The following AGBL2 variants were observed in gnomAD, a reference collection of about 807,000 sequenced individuals.
AGBL2 encodes the protein cytosolic carboxypeptidase 2.
Under a neutral mutation model 103.0 loss-of-function variants are expected in AGBL2, and 87 were observed. That is an observed-to-expected ratio of 0.84 (90% CI 0.71 to 1.01). The LOEUF is 1.01. Among genes scored for constraint, AGBL2 ranks in the 50% least tolerant of loss-of-function variants. The pLI is 0.00. For missense variants in AGBL2, 904 were observed against 1,023.5 expected, an observed-to-expected ratio of 0.88 and a Z score of 1.59; for synonymous variants, 335 against 356.7, an observed-to-expected ratio of 0.94 and a Z score of 0.69.
At chr11:47,662,306 TG>T (rs928047972) in intron 18 of AGBL2, among the ~76,000 whole-genome samples, 10 of 151,608 alleles carry the variant, frequency 6.6e-5, no homozygotes, top group African/African-American at 2.4e-4. Context: ...CCCGAGTAGC[TG>T]GGGTTATAAG....
At chr11:47,712,894 C>G (rs1454778105) in intron 3 of AGBL2, among the ~76,000 whole-genome samples, 1 of 151,090 alleles carries the variant, frequency 6.6e-6, no homozygotes, top group Non-Finnish European at 1.5e-5. Context: ...ATTAGCCAGG[C>G]ATGGTGGTAC....
chr11:47,667,355 C>T lies in AGBL2; in HGVS notation c.2340+216G>A, dbSNP rs187776705. On this transcript the variant is annotated intron_variant, in intron 16 of 18. Transcript: ENST00000525123. The stretch of plus-strand genomic sequence containing the variant: ...TTGGCTAAAACCCAGATTTCTTATG[C>T]CAGAGTGTAGGAGAGGTTCAGTGGG... Among the ~76,000 whole-genome samples, 24 of 152,290 alleles carry T rather than the reference C, an allele frequency of 1.6e-4. No homozygotes were observed. The East Asian group carries it at 4.4e-3, about 28-fold the overall frequency.
At chr11:47,674,798 C>T (rs540025463) in intron 14 of AGBL2, among the ~76,000 whole-genome samples, 4 of 151,840 alleles carry the variant, frequency 2.6e-5, no homozygotes, top group African/African-American at 9.7e-5. Flanking sequence ...TGCAATGGTG[C>T]GATCTCGGCT....
In AGBL2 at chr11:47,680,087, A is replaced by C; in HGVS notation, c.1916-14T>G. 1 of 1,434,192 alleles carries C rather than the reference A, an allele frequency of 7.0e-7. No individual in the cohort carries two copies. Among genetic ancestry groups the C allele is most frequent in the Non-Finnish European group, 9.7e-7 (1 of 1,034,028 alleles). The allele number at this position is 1,434,192 out of a possible 1,614,324, so 88.8% of individuals were successfully genotyped here. ...CTCTTTTATTACCTGGAAAAAAAAA[A>C]AACCCCGCAAACATTTCCAATTAAA... is the stretch of plus-strand genomic sequence containing the variant. On this transcript the variant is annotated splice_polypyrimidine_tract_variant and intron_variant, in intron 12 of 18. Transcript: ENST00000525123.
intron 8 of AGBL2, among the ~76,000 whole-genome samples, chr11:47,698,423 C>T (rs538221954): frequency 1.2e-4 from 18 of 150,646 alleles, no homozygotes; most frequent in Admixed American, 3.3e-4. Flanking sequence ...CTGCCTGCCT[C>T]GGCCTCCCAA....
intron 4 of AGBL2, 110 bp downstream of exon 4, chr11:47,710,267 G>T: frequency 7.4e-7 from 1 of 1,344,960 alleles, no homozygotes; most frequent in Non-Finnish European, 1.0e-6. Flanking sequence ...AGAAACAGAG[G>T]CCAAGGCTGC....
At chr11:47,689,408 G>T (rs1599000622) in intron 10 of AGBL2, among the ~76,000 whole-genome samples, 1 of 150,416 alleles carries the variant, frequency 6.6e-6, no homozygotes, top group African/African-American at 2.4e-5. Context: ...TGGTTCAAGC[G>T]ATTCTCCTGC....
At chr11:47,660,835 C>T (rs1039250224) in intron 18 of AGBL2, among the ~76,000 whole-genome samples, 15 of 152,242 alleles carry the variant, frequency 9.9e-5, no homozygotes, top group Admixed American at 2.6e-4. Flanking sequence ...GGATTACAGG[C>T]GTGAGCCACC....
At chr11:47,661,173 AT>A (rs981284105) in intron 18 of AGBL2, among the ~76,000 whole-genome samples, 6 of 151,468 alleles carry the variant, frequency 4.0e-5, no homozygotes, top group Non-Finnish European at 7.4e-5. Context: ...AAAAAAAAAA[AT>A]TTTTTTTTAA....
chr11:47,709,649 G>C (rs1044388401), intron 4 of AGBL2, among the ~76,000 whole-genome samples: 2 of 149,722 alleles, frequency 1.3e-5, no homozygotes, highest in African/African-American at 4.9e-5. Context: ...ATGCAGTGGC[G>C]CAATCTCAGC....
At chr11:47,667,845 G>T in intron 15 of AGBL2, 149 bp from the exon 16 acceptor site, 1 of 865,470 alleles carries the variant, frequency 1.2e-6, no homozygotes, top group South Asian at 1.7e-5. Context: ...AAACAGTTCA[G>T]TTCCCTCCTT....
chr11:47,659,848 A>C lies in AGBL2; in HGVS notation c.*325T>G, dbSNP rs1003545081. 9 of 201,280 alleles carry C rather than the reference A, an allele frequency of 4.5e-5. No homozygotes were observed. The highest frequency in any genetic ancestry group is 8.9e-5 in the Non-Finnish European group (9 of 101,332). The allele number at this position is 201,280 out of a possible 1,614,324, so 12.5% of individuals were successfully genotyped here. On this transcript the variant is annotated 3_prime_UTR_variant, in exon 19 of 19. Transcript: ENST00000525123. ...ATTTTTAAAAATTGATTTGCACATA[A>C]TTTTAGAGAGAATATCTATTGGTTA...
At chr11:47,672,727 A>T (rs2097361307) in intron 14 of AGBL2, among the ~76,000 whole-genome samples, 1 of 152,128 alleles carries the variant, frequency 6.6e-6, no homozygotes, top group African/African-American at 2.4e-5. Flanking sequence ...GGGGCACACT[A>T]CCTGGTCTGA....
chr11:47,709,111 A>T (rs2097529785), intron 4 of AGBL2, among the ~76,000 whole-genome samples: 1 of 152,244 alleles, frequency 6.6e-6, no homozygotes, highest in South Asian at 2.1e-4. Context: ...GACAAGAGCG[A>T]GACTCCGTCT....
chr11:47,683,970 G>A (rs1019930614), intron 11 of AGBL2, among the ~76,000 whole-genome samples: 1 of 150,630 alleles, frequency 6.6e-6, no homozygotes, highest in East Asian at 2.0e-4. Flanking sequence ...AGTCTAGGCC[G>A]TGCGTGGCGT....
chr11:47,684,383 C>T (rs1182809739), intron 11 of AGBL2, among the ~76,000 whole-genome samples: 1 of 151,472 alleles, frequency 6.6e-6, no homozygotes, highest in Admixed American at 6.6e-5. Context: ...ATGGTGAAAC[C>T]CTGTCTCTAT....
At chr11:47,692,370 C>T in intron 8 of AGBL2, 114 bp from the exon 9 acceptor site, 27 of 342,540 alleles carry the variant, frequency 7.9e-5, no homozygotes, top group South Asian at 1.5e-4. Flanking sequence ...AATGAAATTT[C>T]TAATTTTCAA....
chr11:47,710,560 TTCTAACA>T (rs1278780551), intron 3 of AGBL2, 49 bp from the exon 4 acceptor site: 1 of 1,608,128 alleles, frequency 6.2e-7, no homozygotes, highest in Admixed American at 1.7e-5. Context: ...GACTCATCAC[TTCTAACA>T]TCTAGGTCAA....
chr11:47,705,655 A>G, intron 5 of AGBL2, 21 bp from the exon 6 acceptor site: 1 of 568,654 alleles, frequency 1.8e-6, no homozygotes, highest in Non-Finnish European at 3.1e-6. Context: ...AAAAAAAAAA[A>G]AAGAAAAAGA....
Sources: gnomAD v4.1 joint callset for allele counts (sites outside exome capture counted in the v4.1 genomes callset) on GRCh38, gnomAD v4.1.1 for gene constraint, MANE v1.5 for transcripts, NCBI Gene and HGNC (gene_info 2026-07-23, HGNC 2026-07-21) for gene names.